Variants in TF observed in about 807,000 individuals in gnomAD.
TF encodes the protein serotransferrin.
TF carries 55 observed loss-of-function variants against 82.4 expected under a neutral mutation model. The ratio of observed to expected loss-of-function variants is 0.67; its 90% CI spans 0.54 to 0.84. TF has a LOEUF of 0.84. TF is among the 40% of genes least tolerant of loss of function. The probability of loss-of-function intolerance (pLI) is 0.00; values close to 1 mark genes in which losing one functional copy is unlikely to be tolerated. For synonymous variants in TF, 332 were observed against 332.6 expected, an observed-to-expected ratio of 1.00 and a Z score of 0.02; for missense variants, 737 against 868.4, an observed-to-expected ratio of 0.85 and a Z score of 1.90.
chr3:133,704,954 A>G, the TF span, among the ~76,000 whole-genome samples: 1 of 152,334 alleles, frequency 6.6e-6, no homozygotes, highest in East Asian at 1.9e-4. Context: ...TCTCCATTTT[A>G]TAGCTGTAAA....
At chr3:133,674,127 CT>C in the TF span, among the ~76,000 whole-genome samples, 3 of 152,212 alleles carry the variant, frequency 2.0e-5, no homozygotes, top group Admixed American at 6.5e-5. Context: ...AGAGCGCGTG[CT>C]TTCCAGGGGA....
chr3:133,764,526 C>T (rs968693247), intron 10 of TF, among the ~76,000 whole-genome samples: 1 of 152,188 alleles, frequency 6.6e-6, no homozygotes, highest in East Asian at 1.9e-4. Flanking sequence ...AAGATGACCC[C>T]ATTGCAAAGG....
At chr3:133,766,236 C>G in intron 11 of TF, 42 bp from the exon 12 acceptor site, 1 of 1,602,374 alleles carries the variant, frequency 6.2e-7, no homozygotes, top group Non-Finnish European at 8.6e-7. Context: ...TCTGGAAGCC[C>G]CAGAGGTGTT....
chr3:133,719,973 T>C, the TF span, among the ~76,000 whole-genome samples: 2 of 152,206 alleles, frequency 1.3e-5, no homozygotes, highest in Non-Finnish European at 2.9e-5. Context: ...CTTTACTAAA[T>C]AGTTTATTAG....
At chr3:133,702,999 G>A in the TF span, among the ~76,000 whole-genome samples, 1 of 152,030 alleles carries the variant, frequency 6.6e-6, no homozygotes, top group African/African-American at 2.4e-5. Context: ...GGGACAGTTG[G>A]TATATTTTCT....
chr3:133,772,073 A>G (rs1044762346), intron 14 of TF, among the ~76,000 whole-genome samples: 1 of 152,160 alleles, frequency 6.6e-6, no homozygotes, highest in African/African-American at 2.4e-5. Context: ...TCCTCTGTTC[A>G]TATTGCCATT....
the TF span, among the ~76,000 whole-genome samples, chr3:133,703,447 G>T: frequency 6.6e-6 from 1 of 152,172 alleles, no homozygotes; most frequent in Non-Finnish European, 1.5e-5. Context: ...CTGTTGATTG[G>T]ACAAATTTAA....
At chr3:133,686,109 G>C in the TF span, among the ~76,000 whole-genome samples, 1 of 152,190 alleles carries the variant, frequency 6.6e-6, no homozygotes, top group Non-Finnish European at 1.5e-5. Flanking sequence ...AGGATTCCCT[G>C]TTTAATAAAT....
chr3:133,677,064 T>C, the TF span, among the ~76,000 whole-genome samples: 3 of 152,224 alleles, frequency 2.0e-5, no homozygotes, highest in East Asian at 1.9e-4. Context: ...GGGGCAGTTA[T>C]TGGTATGCCC....
chr3:133,668,123 G>A, the TF span, among the ~76,000 whole-genome samples: 1 of 152,216 alleles, frequency 6.6e-6, no homozygotes, highest in Non-Finnish European at 1.5e-5. Flanking sequence ...TATGTGTGAG[G>A]TTGACAATTA....
chr3:133,731,283 T>A, the TF span, among the ~76,000 whole-genome samples: 1 of 152,204 alleles, frequency 6.6e-6, no homozygotes, highest in Admixed American at 6.5e-5. Flanking sequence ...CCTGTCTTGG[T>A]GAAGGAGCAA....
At chr3:133,778,242 G>T (rs933825274) in intron 16 of TF, 1 of 293,754 alleles carries the variant, frequency 3.4e-6, no homozygotes, top group Non-Finnish European at 6.7e-6. Flanking sequence ...TTTTTGCTAT[G>T]TCAGTTCCTC....
intron 12 of TF, among the ~76,000 whole-genome samples, chr3:133,767,397 C>A (rs1934153608): frequency 1.3e-5 from 2 of 152,182 alleles, no homozygotes; most frequent in Non-Finnish European, 2.9e-5. Flanking sequence ...GGTTATTAAC[C>A]CAGAAAACCC....
At chr3:133,756,629 A>G (rs1933841075) in intron 6 of TF, among the ~76,000 whole-genome samples, 1 of 152,092 alleles carries the variant, frequency 6.6e-6, no homozygotes, top group African/African-American at 2.4e-5. Context: ...TGGAATGAGG[A>G]GCAATCACTG....
rs757686828 is a variant in TF, at chr3:133,757,971, G to A, written c.1048+25G>A. On this transcript the variant is annotated intron_variant, in intron 8 of 16. Coordinates refer to ENST00000402696, the MANE Select transcript of TF (RefSeq NM_001063.4). Reference sequence around the variant, plus strand: ...TGTGAGTACCTGGGAAGAACCAGGTGACCACAAGCACTTGGGAAACCTGGT... The same window carrying A: ...TGTGAGTACCTGGGAAGAACCAGGTAACCACAAGCACTTGGGAAACCTGGT... 4.0e-5 allele frequency: 65 copies of A among 1,612,256 alleles called. No individual in the cohort carries two copies. In the South Asian group the frequency reaches 6.6e-4, roughly 16 times the overall value.
chr3:133,734,670 C>A, the TF span, among the ~76,000 whole-genome samples: 2 of 152,268 alleles, frequency 1.3e-5, no homozygotes, highest in South Asian at 4.1e-4. Context: ...CCTCATTTTG[C>A]AATCAATGTA....
intron 6 of TF, among the ~76,000 whole-genome samples, 186 bp from the exon 7 acceptor site, chr3:133,756,645 T>A (rs1442260188): frequency 1.3e-5 from 2 of 152,166 alleles, no homozygotes; most frequent in Non-Finnish European, 2.9e-5. Context: ...CACTGCTACA[T>A]GGGCATCAGA....
At chr3:133,674,497 C>T in the TF span, among the ~76,000 whole-genome samples, 1 of 152,240 alleles carries the variant, frequency 6.6e-6, no homozygotes. Context: ...CGAGGGCTAT[C>T]AGCCCTGGTG....
At chr3:133,730,987 C>T in the TF span, among the ~76,000 whole-genome samples, 1 of 152,212 alleles carries the variant, frequency 6.6e-6, no homozygotes, top group African/African-American at 2.4e-5. Flanking sequence ...TTTAAAACAA[C>T]TAAAAGGGTA....
Sources: allele counts gnomAD v4.1 joint callset (sites outside exome capture counted in the v4.1 genomes callset), GRCh38; gene constraint gnomAD v4.1.1; transcripts MANE v1.5; gene names NCBI Gene and HGNC (gene_info 2026-07-23, HGNC 2026-07-21).